Variants in GNAI3 observed in about 807,000 individuals in gnomAD.
The protein encoded by GNAI3 is G protein subunit alpha i3.
GNAI3 carries 12 observed loss-of-function variants against 41.8 expected under a neutral mutation model. The ratio of observed to expected loss-of-function variants is 0.29; its 90% CI spans 0.18 to 0.47. GNAI3 has a LOEUF of 0.47. Ranked by LOEUF, GNAI3 falls within the 20% of genes least tolerant of loss-of-function variation. GNAI3 has a pLI of 1.00. For missense variants in GNAI3, 360 were observed against 429.6 expected (o/e 0.84, Z 1.43); for synonymous variants, 132 against 146.5 (o/e 0.90, Z 0.71).
intron 1 of GNAI3, among the ~76,000 whole-genome samples, chr1:109,549,650 C>G (rs140106136): frequency 1.4e-4 from 21 of 152,236 alleles, no homozygotes; most frequent in African/African-American, 5.1e-4. Flanking sequence ...TGAATAGTTG[C>G]TATAGATGAT....
chr1:109,591,286 A>G (rs1649162985), intron 7 of GNAI3, among the ~76,000 whole-genome samples: 2 of 151,768 alleles, frequency 1.3e-5, no homozygotes, highest in South Asian at 2.1e-4. Flanking sequence ...GAAAAGAACA[A>G]TTTACCTTGT....
intron 5 of GNAI3, among the ~76,000 whole-genome samples, chr1:109,583,474 C>T: frequency 6.6e-6 from 1 of 152,226 alleles, no homozygotes; most frequent in Admixed American, 6.5e-5. Context: ...CTCAGCCTCT[C>T]AAAGTGCTGG....
intron 7 of GNAI3, among the ~76,000 whole-genome samples, chr1:109,588,360 C>T (rs936963771): frequency 5.0e-5 from 7 of 140,954 alleles, no homozygotes; most frequent in South Asian, 2.4e-4. Flanking sequence ...CCAGCCTGGG[C>T]GACTGAGCAA....
intron 1 of GNAI3, among the ~76,000 whole-genome samples, chr1:109,565,384 G>A (rs529207): frequency 0.023 from 3,454 of 152,262 alleles, 107 homozygotes; most frequent in African/African-American, 0.073. Context: ...ATAGGACAAG[G>A]GTTTGAGAGT....
intron 1 of GNAI3, among the ~76,000 whole-genome samples, chr1:109,551,021 T>C (rs1647970615): frequency 6.6e-6 from 1 of 152,254 alleles, no homozygotes; most frequent in African/African-American, 2.4e-5. Flanking sequence ...AGGCGGAACT[T>C]GTCCAGATGT....
rs770701318 is a variant in GNAI3, at chr1:109,579,303, G to C, written c.403G>C (p.Gly135Arg). ...GVIKRLWRDG[G>R]VQACFSRSRE... is the part of the protein sequence containing the mutation. Reference sequence around the variant, plus strand: ...GATTAAACGGTTATGGCGAGATGGTGGGGTACAAGCTTGCTTCAGCAGATC... The same window carrying C: ...GATTAAACGGTTATGGCGAGATGGTCGGGTACAAGCTTGCTTCAGCAGATC... Residue 135 changes from glycine (G) to arginine (R), a missense_variant, in exon 4 of 9, where the codon GGG becomes CGG. Physicochemically the swap from Gly to Arg is moderately radical, Grantham distance 125. Transcript: ENST00000369851. 3 of 1,613,550 alleles carry C rather than the reference G, an allele frequency of 1.9e-6. No individual in the cohort carries two copies. The East Asian group carries it at 6.7e-5, about 36-fold the overall frequency.
At chr1:109,586,973 A>G in intron 7 of GNAI3, 91 bp downstream of exon 7, 1 of 830,166 alleles carries the variant, frequency 1.2e-6, no homozygotes, top group Middle Eastern at 2.6e-4. Context: ...TTTTTTTTTA[A>G]TGATTGATTG....
At chr1:109,567,344 A>G (rs1571152476) in intron 1 of GNAI3, among the ~76,000 whole-genome samples, 1 of 152,184 alleles carries the variant, frequency 6.6e-6, no homozygotes, top group African/African-American at 2.4e-5. Flanking sequence ...TGTTTCAGGT[A>G]CCCCTGGAAT....
In GNAI3 at chr1:109,573,925, A is replaced by G; in HGVS notation, c.191A>G (p.Asp64Gly). ...KIIHEDGYSEDECKQYKVVVY... is the reference protein window; with the variant it reads ...KIIHEDGYSEGECKQYKVVVY... ...ATTCATGAGGATGGCTATTCAGAGGATGAATGTAAACAATATAAAGTAGTT... is the reference window on the plus strand; with the variant it reads ...ATTCATGAGGATGGCTATTCAGAGGGTGAATGTAAACAATATAAAGTAGTT... Residue 64 changes from aspartate (D) to glycine (G), a missense_variant, in exon 3 of 9, where the codon GAT becomes GGT. Coordinates refer to ENST00000369851, the MANE Select transcript of GNAI3 (RefSeq NM_006496.4). 1 of 1,610,042 alleles carries G rather than the reference A, an allele frequency of 6.2e-7. No individual in the cohort carries two copies. Among genetic ancestry groups the G allele is most frequent in the Non-Finnish European group, 8.5e-7 (1 of 1,176,564 alleles).
Position 109,596,527 on chromosome 1 carries a change from T to C in GNAI3, c.*4205T>C. 6.6e-6 allele frequency: 1 copy of C among 152,252 alleles called. No individual in the cohort carries two copies. The highest frequency in any genetic ancestry group is 2.4e-5 in the African/African-American group (1 of 41,442). The allele number at this position is 152,252 out of a possible 1,614,324, so 9.4% of individuals were successfully genotyped here. A position where few individuals can be genotyped will look rare whatever the true frequency, so the allele number is the denominator to read the frequency against. ...TGCCACCACATCTGGCTAACTTTTG[T>C]ATTTCTAGTAGAGACAGGGTTTCAC... On this transcript the variant is annotated 3_prime_UTR_variant, in exon 9 of 9. Transcript: ENST00000369851.
chr1:109,550,353 G>A (rs1231912022), intron 1 of GNAI3, among the ~76,000 whole-genome samples: 1 of 152,176 alleles, frequency 6.6e-6, no homozygotes, highest in Non-Finnish European at 1.5e-5. Context: ...TTCAGAAGAT[G>A]CGAGTTCAAA....
rs1395642691 is a variant in GNAI3, at chr1:109,594,560, T to A, written c.*2238T>A. ...TCCTTGAGGACACAGGGAGACAATT[T>A]AAGTCAGTAGTTTTTAATATGACTT... is the stretch of plus-strand genomic sequence containing the variant. On this transcript the variant is annotated 3_prime_UTR_variant, in exon 9 of 9. Coordinates refer to ENST00000369851, the MANE Select transcript of GNAI3 (RefSeq NM_006496.4). 2 of 152,166 alleles carry A rather than the reference T, an allele frequency of 1.3e-5. No individual in the cohort carries two copies. Among genetic ancestry groups the A allele is most frequent in the East Asian group, 1.9e-4 (1 of 5,198 alleles). The allele number at this position is 152,166 out of a possible 1,614,324, so 9.4% of individuals were successfully genotyped here.
intron 1 of GNAI3, among the ~76,000 whole-genome samples, chr1:109,571,426 A>C (rs11801806): frequency 1.5e-3 from 232 of 152,288 alleles, no homozygotes; most frequent in African/African-American, 5.5e-3. Context: ...CCACTTACTA[A>C]CTGTGTAATT....
chr1:109,594,646 A>ATTTTTTTTTTTTTTTTTTTTTTTTT lies in GNAI3; in HGVS notation c.*2348_*2349insTTTTTTTTTTTTTTTTTTTTTTTTT, dbSNP rs34268993. The ATTTTTTTTTTTTTTTTTTTTTTTTT allele has an allele frequency of 1.1e-5, 1 of 90,588 alleles. No individual in the cohort carries two copies. Among genetic ancestry groups the ATTTTTTTTTTTTTTTTTTTTTTTTT allele is most frequent in the Non-Finnish European group, 2.2e-5 (1 of 44,758 alleles). The allele number at this position is 90,588 out of a possible 1,614,324, so 5.6% of individuals were successfully genotyped here. A position where few individuals can be genotyped will look rare whatever the true frequency, so the allele number is the denominator to read the frequency against. On this transcript the variant is annotated 3_prime_UTR_variant, in exon 9 of 9. Coordinates refer to ENST00000369851, the MANE Select transcript of GNAI3 (RefSeq NM_006496.4). ...CTTTTGGCTGGTGGGCTGGCAATCG[A>ATTTTTTTTTTTTTTTTTTTTTTTTT]TTTTTTTTTTTTTTTTTTTTTTTTG... is the stretch of plus-strand genomic sequence containing the variant.
intron 1 of GNAI3, among the ~76,000 whole-genome samples, chr1:109,562,827 T>C (rs1648351142): frequency 6.6e-6 from 1 of 152,160 alleles, no homozygotes; most frequent in Non-Finnish European, 1.5e-5. Context: ...TTTTACAATT[T>C]TGGGATATAG....
chr1:109,548,873 G>C lies in GNAI3; in HGVS notation c.118+35G>C, dbSNP rs567803230. 2.2e-5 allele frequency: 31 copies of C among 1,392,466 alleles called. No individual in the cohort carries two copies. The African/African-American group carries it at 2.5e-4, about 11-fold the overall frequency. The allele number at this position is 1,392,466 out of a possible 1,614,324, so 86.3% of individuals were successfully genotyped here. On this transcript the variant is annotated intron_variant, in intron 1 of 8. Transcript: ENST00000369851. ...TGGAGGCGGGGACTGAGTGGTGGTCGGGAGAGCCTAGGCGCTTGGAAGGCC... is the reference window on the plus strand; with the variant it reads ...TGGAGGCGGGGACTGAGTGGTGGTCCGGAGAGCCTAGGCGCTTGGAAGGCC...
chr1:109,590,714 C>G (rs1001673421), intron 7 of GNAI3, among the ~76,000 whole-genome samples: 4 of 151,998 alleles, frequency 2.6e-5, no homozygotes, highest in South Asian at 2.1e-4. Context: ...AGGTGCCCAC[C>G]ACCAGGCCTA....
At position 109,599,015 on chromosome 1, in the gene GNAI3, A is replaced by C. The variant is rs1161961189; in HGVS notation, c.*6693A>C. 9 of 532,068 alleles carry C rather than the reference A, an allele frequency of 1.7e-5. No homozygotes were observed. Among genetic ancestry groups the C allele is most frequent in the Non-Finnish European group, 3.5e-5 (9 of 258,114 alleles). The allele number at this position is 532,068 out of a possible 1,614,324, so 33.0% of individuals were successfully genotyped here. ...ATCTCCAAGTATAGAGTGGGTTTTGAATGCTGTTATGTCTCACCGTGGGGA... is the reference window on the plus strand; with the variant it reads ...ATCTCCAAGTATAGAGTGGGTTTTGCATGCTGTTATGTCTCACCGTGGGGA... On this transcript the variant is annotated 3_prime_UTR_variant, in exon 9 of 9. Transcript: ENST00000369851.
rs1003997269 is a variant in GNAI3 at position 109,598,984 on chromosome 1, C to G, written c.*6662C>G. On this transcript the variant is annotated 3_prime_UTR_variant, in exon 9 of 9. Coordinates refer to ENST00000369851, the MANE Select transcript of GNAI3 (RefSeq NM_006496.4). ...AGCATGGCCGGCACACTTTGGTCTA[C>G]GGCACATCTCCAAGTATAGAGTGGG... 3.7e-6 allele frequency: 2 copies of G among 534,620 alleles called. No individual in the cohort carries two copies. Among genetic ancestry groups the G allele is most frequent in the Non-Finnish European group, 7.7e-6 (2 of 259,970 alleles). 33.1% of individuals were successfully genotyped at this position (534,620 alleles called of 1,614,324 possible).
Sources: allele counts gnomAD v4.1 joint callset (sites outside exome capture counted in the v4.1 genomes callset), GRCh38; gene constraint gnomAD v4.1.1; transcripts MANE v1.5; gene names NCBI Gene and HGNC (gene_info 2026-07-23, HGNC 2026-07-21).